Variants in SAE1 observed in about 807,000 individuals in gnomAD.
SAE1 encodes SUMO1 activating enzyme subunit 1.
SAE1 carries 11 observed loss-of-function variants against 40.6 expected under a neutral mutation model. The observed-to-expected ratio is 0.27, with a 90% CI of 0.17 to 0.45. The LOEUF (loss-of-function observed/expected upper bound fraction) is 0.45. Among genes scored for constraint, SAE1 ranks in the 20% least tolerant of loss-of-function variants. The pLI is 1.00. For synonymous variants in SAE1, 155 were observed against 154.3 expected (o/e 1.00, Z -0.03); for missense variants, 373 against 427.3 (o/e 0.87, Z 1.12).
intron 6 of SAE1, among the ~76,000 whole-genome samples, chr19:47,175,734 C>T (rs2058465143): frequency 6.6e-6 from 1 of 152,122 alleles, no homozygotes; most frequent in South Asian, 2.1e-4. Flanking sequence ...GAGACTCTGT[C>T]TCAAAATAAA....
intron 6 of SAE1, among the ~76,000 whole-genome samples, chr19:47,182,052 T>G (rs551360227): frequency 2.6e-5 from 4 of 152,100 alleles, no homozygotes; most frequent in African/African-American, 9.6e-5. Flanking sequence ...TCCCAAAGCA[T>G]TGGGATAACA....
rs530661925 is a variant in SAE1, at chr19:47,150,310, G to A, written c.319G>A (p.Asp107Asn). The A allele has an allele frequency of 6.2e-7, 1 of 1,613,876 alleles. No individual in the cohort carries two copies. The highest frequency in any genetic ancestry group is 1.3e-5 in the African/African-American group (1 of 75,018). Residue 107 changes from aspartate (D) to asparagine (N), a missense_variant, in exon 3 of 9, where the codon GAT (aspartate) becomes AAT (asparagine). Physicochemically the swap from Asp to Asn is conservative, Grantham distance 23. Transcript: ENST00000270225. ...ERAQNLNPMV[D>N]VKVDTEDIEK... ...AGCTCAGAATCTCAACCCCATGGTG[G>A]ATGTGAAGGTGGACACTGAGGATAT...
chr19:47,198,995 A>G (rs2058634257), intron 7 of SAE1, among the ~76,000 whole-genome samples: 1 of 152,062 alleles, frequency 6.6e-6, no homozygotes, highest in Non-Finnish European at 1.5e-5. Context: ...GGCTGAGGCT[A>G]GAGCATCGCT....
At chr19:47,146,048 G>GT (rs1454502048) in intron 2 of SAE1, among the ~76,000 whole-genome samples, 1 of 492 alleles carries the variant, frequency 2.0e-3, no homozygotes, top group African/African-American at 5.4e-3. Context: ...GAACAAGGAG[G>GT]GTTGTCAAGA....
intron 5 of SAE1, among the ~76,000 whole-genome samples, chr19:47,166,922 A>G (rs540816084): frequency 6.6e-6 from 1 of 152,174 alleles, no homozygotes; most frequent in Non-Finnish European, 1.5e-5. Flanking sequence ...AAAGCCACCT[A>G]AACATGACTG....
chr19:47,202,606 G>A (rs1376099143), intron 7 of SAE1, among the ~76,000 whole-genome samples: 3 of 151,626 alleles, frequency 2.0e-5, no homozygotes, highest in Admixed American at 6.6e-5. Context: ...CGTTTAGATT[G>A]TGCACTTTTA....
intron 8 of SAE1, among the ~76,000 whole-genome samples, chr19:47,205,766 G>A (rs947171504): frequency 1.9e-4 from 29 of 152,202 alleles, no homozygotes; most frequent in African/African-American, 7.0e-4. Flanking sequence ...ATCTCCCACC[G>A]GCCCTATGAG....
At chr19:47,193,471 T>G (rs1307549967) in intron 6 of SAE1, among the ~76,000 whole-genome samples, 1 of 152,040 alleles carries the variant, frequency 6.6e-6, no homozygotes, top group African/African-American at 2.4e-5. Context: ...GCAAACAGTA[T>G]TCAGAAGAGT....
chr19:47,176,298 T>A (rs1312035994), intron 6 of SAE1, among the ~76,000 whole-genome samples: 1 of 152,214 alleles, frequency 6.6e-6, no homozygotes, highest in Non-Finnish European at 1.5e-5. Flanking sequence ...TTTTTCCCAG[T>A]GCTTGGAATT....
intron 5 of SAE1, among the ~76,000 whole-genome samples, chr19:47,156,113 A>T (rs2058323050): frequency 6.6e-6 from 1 of 151,788 alleles, no homozygotes; most frequent in Non-Finnish European, 1.5e-5. Context: ...CTACAAAAAA[A>T]ATGTAAAAAT....
chr19:47,192,625 C>T (rs1410624710), intron 6 of SAE1, among the ~76,000 whole-genome samples: 2 of 152,094 alleles, frequency 1.3e-5, no homozygotes, highest in African/African-American at 4.8e-5. Context: ...TCACCGCAAC[C>T]TCTGAATCCT....
At chr19:47,184,798 T>TTTTTG (rs201318034) in intron 6 of SAE1, among the ~76,000 whole-genome samples, 1,927 of 148,564 alleles carry the variant, frequency 0.013, 23 homozygotes, top group Middle Eastern at 0.024. Flanking sequence ...TTTTGTTTTG[T>TTTTTG]TTTTGTTTTG....
intron 1 of SAE1, among the ~76,000 whole-genome samples, chr19:47,140,797 A>G (rs1211563368): frequency 1.3e-5 from 2 of 152,222 alleles, no homozygotes; most frequent in South Asian, 4.1e-4. Flanking sequence ...CCCTGTTTCA[A>G]TAAAACAAAA....
intron 1 of SAE1, among the ~76,000 whole-genome samples, chr19:47,133,649 A>G (rs1247888275): frequency 6.6e-6 from 1 of 152,174 alleles, no homozygotes; most frequent in East Asian, 1.9e-4. Context: ...TTGAAACTCA[A>G]GAGAAGGGGT....
intron 8 of SAE1, among the ~76,000 whole-genome samples, chr19:47,207,196 G>T (rs1189313630): frequency 2.0e-5 from 3 of 152,160 alleles, no homozygotes; most frequent in Non-Finnish European, 4.4e-5. Context: ...AGCCGAGAAT[G>T]TGCCTCCCAC....
chr19:47,190,768 T>A (rs1386760716), intron 6 of SAE1, among the ~76,000 whole-genome samples: 1 of 152,200 alleles, frequency 6.6e-6, no homozygotes, highest in Non-Finnish European at 1.5e-5. Context: ...GGAAGCTGGT[T>A]TACTCTCTCA....
At chr19:47,137,497 T>C (rs1269444748) in intron 1 of SAE1, among the ~76,000 whole-genome samples, 1 of 152,166 alleles carries the variant, frequency 6.6e-6, no homozygotes, top group Non-Finnish European at 1.5e-5. Flanking sequence ...AGTTGACAAT[T>C]ACAACTAAAA....
chr19:47,160,674 C>T (rs531508755), intron 5 of SAE1, among the ~76,000 whole-genome samples: 75 of 152,146 alleles, frequency 4.9e-4, no homozygotes, highest in African/African-American at 1.8e-3. Context: ...GGATTACAGG[C>T]GTGAGCCACC....
intron 1 of SAE1, chr19:47,142,731 T>G (rs547390868): frequency 2.6e-5 from 4 of 152,352 alleles, no homozygotes; most frequent in Admixed American, 2.6e-4. Flanking sequence ...TTTCTCTATC[T>G]GGAATGTTCT....
Sources: allele counts gnomAD v4.1 joint callset (sites outside exome capture counted in the v4.1 genomes callset), GRCh38; gene constraint gnomAD v4.1.1; transcripts MANE v1.5; gene names NCBI Gene and HGNC (gene_info 2026-07-23, HGNC 2026-07-21).